Variants in ALK observed in about 807,000 individuals in gnomAD.
ALK encodes ALK tyrosine kinase receptor.
ALK carries 74 observed loss-of-function variants against 163.1 expected under a neutral mutation model. The ratio of observed to expected loss-of-function variants is 0.45; its 90% CI spans 0.38 to 0.55. The LOEUF is 0.55. Among genes scored for constraint, ALK ranks in the 20% least tolerant of loss-of-function variants. ALK has a pLI of 0.00. For synonymous variants in ALK, 960 were observed against 843.2 expected, an observed-to-expected ratio of 1.14 and a Z score of -2.40; for missense variants, 2,063 against 2,105.3, an observed-to-expected ratio of 0.98 and a Z score of 0.39.
At chr2:29,570,749 A>G (rs1213385478) in intron 3 of ALK, among the ~76,000 whole-genome samples, 1 of 152,180 alleles carries the variant, frequency 6.6e-6, no homozygotes, top group Admixed American at 6.5e-5. Flanking sequence ...ATTTTGATGA[A>G]AGCAGGGTTC....
intron 11 of ALK, among the ~76,000 whole-genome samples, chr2:29,261,674 A>G (rs1187141083): frequency 2.0e-5 from 3 of 152,140 alleles, no homozygotes; most frequent in Non-Finnish European, 2.9e-5. Flanking sequence ...CCTTTTCTTG[A>G]TAGTGCTTCC....
At chr2:29,527,372 A>T (rs1672984548) in intron 4 of ALK, among the ~76,000 whole-genome samples, 1 of 152,046 alleles carries the variant, frequency 6.6e-6, no homozygotes, top group Non-Finnish European at 1.5e-5. Flanking sequence ...TCACTTGGGG[A>T]GGGTGGCTGC....
intron 1 of ALK, among the ~76,000 whole-genome samples, chr2:29,738,491 G>A (rs1679957145): frequency 6.6e-6 from 1 of 152,016 alleles, no homozygotes; most frequent in Admixed American, 6.5e-5. Context: ...TGTCACTCCA[G>A]AACTACTGAG....
intron 3 of ALK, among the ~76,000 whole-genome samples, chr2:29,625,374 G>A (rs956498629): frequency 1.4e-4 from 21 of 152,262 alleles, no homozygotes; most frequent in African/African-American, 4.6e-4. Flanking sequence ...GTATATGTGC[G>A]CATTTTCCCA....
chr2:29,864,764 A>G (rs1238952202), intron 1 of ALK, among the ~76,000 whole-genome samples: 4 of 152,212 alleles, frequency 2.6e-5, no homozygotes, highest in Non-Finnish European at 5.9e-5. Context: ...TGCCCAAAAG[A>G]ACCTCCAGTC....
intron 1 of ALK, among the ~76,000 whole-genome samples, chr2:29,741,321 G>T (rs1680052480): frequency 6.6e-6 from 1 of 152,150 alleles, no homozygotes; most frequent in Non-Finnish European, 1.5e-5. Flanking sequence ...TAGACTTTGG[G>T]TGATAATGCT....
chr2:29,453,762 TGAG>T (rs1340089149), intron 4 of ALK, among the ~76,000 whole-genome samples: 2 of 152,116 alleles, frequency 1.3e-5, no homozygotes, highest in Non-Finnish European at 2.9e-5. Context: ...GGAGCAAGTG[TGAG>T]GAGAAGGACT....
chr2:29,718,308 G>A (rs942057857), intron 1 of ALK, among the ~76,000 whole-genome samples: 10 of 152,212 alleles, frequency 6.6e-5, no homozygotes, highest in African/African-American at 2.4e-4. Flanking sequence ...TGAAAGAAAA[G>A]CAGCAGAGAA....
At chr2:29,710,469 C>T (rs1338516195) in intron 2 of ALK, among the ~76,000 whole-genome samples, 1 of 151,002 alleles carries the variant, frequency 6.6e-6, no homozygotes, top group East Asian at 2.0e-4. Flanking sequence ...CTTCAACCTC[C>T]AATCACCAGC....
chr2:29,204,360 G>A (rs2148149438), intron 26 of ALK, among the ~76,000 whole-genome samples: 1 of 152,150 alleles, frequency 6.6e-6, no homozygotes, highest in South Asian at 2.1e-4. Context: ...TGTTTCTTTG[G>A]GCTTCTCTTG....
At chr2:29,216,974 GGT>G (rs796513525) in intron 23 of ALK, among the ~76,000 whole-genome samples, 52 of 144,936 alleles carry the variant, frequency 3.6e-4, no homozygotes, top group African/African-American at 1.1e-3. Context: ...GTGTGTGCGT[GGT>G]GTGTGTGTGG....
intron 4 of ALK, among the ~76,000 whole-genome samples, chr2:29,472,295 A>G (rs563961531): frequency 6.6e-6 from 1 of 152,356 alleles, no homozygotes; most frequent in South Asian, 2.1e-4. Flanking sequence ...ATTGTGAAGC[A>G]GGGGCAAGCC....
intron 3 of ALK, among the ~76,000 whole-genome samples, chr2:29,635,749 T>C (rs924361978): frequency 4.6e-5 from 7 of 150,692 alleles, no homozygotes; most frequent in Non-Finnish European, 8.9e-5. Context: ...ATTACAAATA[T>C]GCACCACCAT....
intron 4 of ALK, among the ~76,000 whole-genome samples, chr2:29,511,195 T>C (rs72794484): frequency 0.38 from 57,117 of 151,752 alleles, 11,739 homozygotes; most frequent in South Asian, 0.56. Flanking sequence ...GTTGTTACAC[T>C]GAGAAACCAC....
chr2:29,194,662 AC>A (rs1374707737), intron 28 of ALK, among the ~76,000 whole-genome samples: 1 of 31,994 alleles, frequency 3.1e-5, no homozygotes, highest in Non-Finnish European at 6.5e-5. Flanking sequence ...CCACCCCCCC[AC>A]CCCCCCACCC....
chr2:29,694,977 C>T lies in ALK; in HGVS notation c.825G>A (p.Glu275=), dbSNP rs924625340. The change falls in exon 3 of 29, where the codon GAG becomes GAA. Residue 275 remains glutamate, a synonymous_variant. Transcript: ENST00000389048. ...TGAGGTCATGCAGTGGAGGGGAATA[C>T]TCCAGCTCACAGGGGAAGTCAAAGC... ...ECSFDFPCEL[E]YSPPLHDLRN... The T allele has an allele frequency of 1.9e-6, 3 of 1,614,096 alleles. No homozygotes were observed. Among genetic ancestry groups the T allele is most frequent in the African/African-American group, 1.3e-5 (1 of 75,040 alleles).
intron 4 of ALK, among the ~76,000 whole-genome samples, chr2:29,416,769 C>A (rs984278329): frequency 6.6e-6 from 1 of 152,088 alleles, no homozygotes; most frequent in Non-Finnish European, 1.5e-5. Flanking sequence ...AATCCAGACT[C>A]CCCAACCAAT....
intron 1 of ALK, among the ~76,000 whole-genome samples, chr2:29,875,224 G>C (rs913801493): frequency 2.0e-5 from 3 of 152,134 alleles, no homozygotes; most frequent in Non-Finnish European, 4.4e-5. Context: ...AATAAATAGA[G>C]ACAGAAAGTA....
At chr2:29,377,879 T>C (rs905304402) in intron 5 of ALK, among the ~76,000 whole-genome samples, 1 of 152,234 alleles carries the variant, frequency 6.6e-6, no homozygotes, top group African/African-American at 2.4e-5. Flanking sequence ...GTGAAGGTTA[T>C]GACATCCTCT....
Sources: allele counts gnomAD v4.1 joint callset (sites outside exome capture counted in the v4.1 genomes callset), GRCh38; gene constraint gnomAD v4.1.1; transcripts MANE v1.5; gene names NCBI Gene and HGNC (gene_info 2026-07-23, HGNC 2026-07-21).